Variants in PRKN observed in about 807,000 individuals in gnomAD.
PRKN encodes the protein E3 ubiquitin-protein ligase parkin.
Under a neutral mutation model 59.5 loss-of-function variants are expected in PRKN, and 56 were observed. The ratio of observed to expected loss-of-function variants is 0.94; its 90% CI spans 0.76 to 1.18. PRKN has a LOEUF of 1.18. Among genes scored for constraint, PRKN ranks in the 50% most tolerant of loss-of-function variants. PRKN has a pLI of 0.00. For synonymous variants in PRKN, 250 were observed against 222.1 expected (o/e 1.13, Z -1.12); for missense variants, 657 against 596.4 (o/e 1.10, Z -1.06).
chr6:162,620,238 G>A (rs1486243379), intron 1 of PRKN, among the ~76,000 whole-genome samples: 1 of 151,904 alleles, frequency 6.6e-6, no homozygotes, highest in Non-Finnish European at 1.5e-5. Flanking sequence ...AAGCTGTCTT[G>A]TTGACTTATC....
intron 7 of PRKN, among the ~76,000 whole-genome samples, chr6:161,691,365 T>C (rs1185391900): frequency 6.6e-6 from 1 of 152,238 alleles, no homozygotes; most frequent in Non-Finnish European, 1.5e-5. Context: ...CATGGCAGGT[T>C]CAGTTCTACT....
intron 6 of PRKN, among the ~76,000 whole-genome samples, chr6:161,852,061 T>G (rs1188380511): frequency 7.1e-6 from 1 of 141,410 alleles, no homozygotes; most frequent in Non-Finnish European, 1.5e-5. Flanking sequence ...CACTCCAGCC[T>G]GGGTGACAGA....
Position 161,400,914 on chromosome 6 carries a change from T to G in PRKN, c.1084-14037A>C, listed in dbSNP as rs931701671. Among the ~76,000 whole-genome samples the G allele has an allele frequency of 6.6e-6, 1 of 152,218 alleles. No homozygotes were observed. Among genetic ancestry groups the G allele is most frequent in the Non-Finnish European group, 1.5e-5 (1 of 68,034 alleles). ...TTTCACTGTGTCTGATTTACTTGTTTGCACACTTTGTCAAATCTTGGACCA... is the reference window on the plus strand; with the variant it reads ...TTTCACTGTGTCTGATTTACTTGTTGGCACACTTTGTCAAATCTTGGACCA... On this transcript the variant is annotated intron_variant, in intron 9 of 11. Coordinates refer to ENST00000366898, the MANE Select transcript of PRKN (RefSeq NM_004562.3). The surrounding 1 kb of genome is among the most constrained non-coding windows in gnomAD (Gnocchi z 4.2).
At chr6:161,697,187 C>A (rs909851484) in intron 7 of PRKN, among the ~76,000 whole-genome samples, 4 of 152,150 alleles carry the variant, frequency 2.6e-5, no homozygotes, top group Non-Finnish European at 5.9e-5. Context: ...AATAAGGAAA[C>A]TATAAGTGAT....
chr6:162,593,690 C>G (rs1367733427), intron 1 of PRKN, among the ~76,000 whole-genome samples: 1 of 152,104 alleles, frequency 6.6e-6, no homozygotes, highest in African/African-American at 2.4e-5. Context: ...GGAAGGGCAA[C>G]TGGCTCAAAC....
intron 1 of PRKN, among the ~76,000 whole-genome samples, chr6:162,674,322 T>C (rs767538237): frequency 8.5e-5 from 13 of 152,116 alleles, no homozygotes; most frequent in South Asian, 2.1e-4. Flanking sequence ...ATGCATAGAA[T>C]AGAGATGTAC....
chr6:162,452,738 A>C (rs1490292596), intron 1 of PRKN, among the ~76,000 whole-genome samples: 1 of 152,114 alleles, frequency 6.6e-6, no homozygotes, highest in East Asian at 1.9e-4. Flanking sequence ...ACCAGAACTC[A>C]CCACATCAAT....
chr6:162,142,386 T>G (rs1341887652), intron 4 of PRKN, among the ~76,000 whole-genome samples: 1 of 152,134 alleles, frequency 6.6e-6, no homozygotes, highest in Admixed American at 6.5e-5. Context: ...TTTGGTCAAG[T>G]AAGTTAAACT....
chr6:162,432,107 G>C (rs1211075975), intron 2 of PRKN, among the ~76,000 whole-genome samples: 1 of 152,002 alleles, frequency 6.6e-6, no homozygotes, highest in Non-Finnish European at 1.5e-5. Context: ...ATGTATAATT[G>C]GTTAAATCAG....
chr6:161,994,640 C>CA lies in PRKN; in HGVS notation c.619-21224dup, dbSNP rs1781772872. 2.6e-5 allele frequency among the ~76,000 whole-genome samples: 4 copies of CA among 151,358 alleles called. No individual in the cohort carries two copies. The South Asian group carries it at 8.3e-4, about 32-fold the overall frequency. ...AGTTGGAGGACACAAAATCAACATG[C>CA]AAAAATCAATAGTGTTTCTCTATAC... On this transcript the variant is annotated intron_variant, in intron 5 of 11. Transcript: ENST00000366898.
intron 1 of PRKN, among the ~76,000 whole-genome samples, chr6:162,589,446 T>C (rs1360013566): frequency 6.6e-6 from 1 of 152,188 alleles, no homozygotes; most frequent in Non-Finnish European, 1.5e-5. Flanking sequence ...TCATTCACAC[T>C]TCTGGGAAAA....
chr6:162,111,116 A>G (rs1407342492), intron 4 of PRKN, among the ~76,000 whole-genome samples: 1 of 152,146 alleles, frequency 6.6e-6, no homozygotes, highest in Non-Finnish European at 1.5e-5. Context: ...CCATGAAATA[A>G]TATCACTGAG....
rs184420632 is a variant in PRKN, at chr6:162,551,276, A to G, written c.8-107803T>C. ...GGTATAAATCTCACCCACCAGACCA[A>G]CGTCTGAAAACTATACCCAATTTCC... On this transcript the variant is annotated intron_variant, in intron 1 of 11. Coordinates refer to ENST00000366898, the MANE Select transcript of PRKN (RefSeq NM_004562.3). Among the ~76,000 whole-genome samples the G allele has an allele frequency of 7.1e-4, 108 of 152,334 alleles. No homozygotes were observed. The East Asian group carries it at 9.6e-3, about 14-fold the overall frequency.
intron 5 of PRKN, among the ~76,000 whole-genome samples, chr6:162,053,537 G>C (rs973194084): frequency 3.3e-5 from 5 of 152,064 alleles, no homozygotes; most frequent in African/African-American, 1.2e-4. Flanking sequence ...GAAACATATG[G>C]CATATATGTG....
At chr6:162,334,538 A>G (rs553889622) in intron 2 of PRKN, among the ~76,000 whole-genome samples, 20 of 152,338 alleles carry the variant, frequency 1.3e-4, no homozygotes, top group Admixed American at 9.1e-4. Flanking sequence ...ACTCCAGCTC[A>G]GAATATTACT....
chr6:161,876,866 A>G (rs1794750248), intron 6 of PRKN, among the ~76,000 whole-genome samples: 1 of 152,112 alleles, frequency 6.6e-6, no homozygotes, highest in African/African-American at 2.4e-5. Context: ...AAAAATACCC[A>G]CTGGAAACCA....
At chr6:162,389,934 A>G (rs1787074743) in intron 2 of PRKN, among the ~76,000 whole-genome samples, 1 of 152,180 alleles carries the variant, frequency 6.6e-6, no homozygotes, top group Non-Finnish European at 1.5e-5. Context: ...TGCCTGTCTA[A>G]TTTTGGCTAG....
chr6:161,583,947 G>C lies in PRKN; in HGVS notation c.872-14531C>G, dbSNP rs1781435884. ...CACTCCCCAAAGTGCGACTACCACC[G>C]GGTTAAAGTATCGTTCCATTTAACA... is the stretch of plus-strand genomic sequence containing the variant. On this transcript the variant is annotated intron_variant, in intron 7 of 11. Coordinates refer to ENST00000366898, the MANE Select transcript of PRKN (RefSeq NM_004562.3). 2.0e-5 allele frequency among the ~76,000 whole-genome samples: 3 copies of C among 152,152 alleles called. No homozygotes were observed. In the South Asian group the frequency reaches 6.2e-4, roughly 32 times the overall value.
chr6:161,810,517 C>T (rs573526444), intron 6 of PRKN, among the ~76,000 whole-genome samples: 12 of 152,254 alleles, frequency 7.9e-5, no homozygotes, highest in Non-Finnish European at 1.6e-4. Context: ...CAACGTCTAA[C>T]GTTTCATCAT....
Sources: allele counts gnomAD v4.1 joint callset (sites outside exome capture counted in the v4.1 genomes callset), GRCh38; gene constraint gnomAD v4.1.1; non-coding constraint Gnocchi (gnomAD v3.1); transcripts MANE v1.5; gene names NCBI Gene and HGNC (gene_info 2026-07-23, HGNC 2026-07-21).